CKAP2L: variants seen among roughly 807,000 people sequenced by gnomAD.
CKAP2L encodes cytoskeleton associated protein 2L, also known as cytoskeleton-associated protein 2-like.
A neutral mutation model predicts 65.7 loss-of-function variants in CKAP2L; 42 were observed. The observed-to-expected ratio is 0.64, with a 90% CI of 0.50 to 0.83. The LOEUF (loss-of-function observed/expected upper bound fraction) is 0.83, where lower values mean the gene tolerates loss of function less well. Ranked by LOEUF, CKAP2L falls within the 40% of genes least tolerant of loss-of-function variation. The pLI is 0.00. For synonymous variants in CKAP2L, 325 were observed against 313.5 expected (o/e 1.04, Z -0.39); for missense variants, 908 against 871.0 (o/e 1.04, Z -0.53).
At chr2:112,753,238 A>C (rs1420798627) in intron 4 of CKAP2L, among the ~76,000 whole-genome samples, 2 of 152,178 alleles carry the variant, frequency 1.3e-5, no homozygotes, top group Non-Finnish European at 2.9e-5. Flanking sequence ...CGCCTAGTTG[A>C]TATCTTTTGA....
chr2:112,740,811 T>C lies in CKAP2L; in HGVS notation c.2012+7A>G, dbSNP rs928341227. On this transcript the variant is annotated splice_region_variant and intron_variant, in intron 8 of 8. Coordinates refer to ENST00000302450, the MANE Select transcript of CKAP2L (RefSeq NM_152515.5). ...TGAACACAAAGTCTGCTTTAGAGTT[T>C]GCTTACCTAGGGATTGGACCAATCT... 1.3e-6 allele frequency: 2 copies of C among 1,598,286 alleles called. No individual in the cohort carries two copies. Among genetic ancestry groups the C allele is most frequent in the Non-Finnish European group, 1.7e-6 (2 of 1,168,506 alleles).
rs199567753 is a variant in CKAP2L at position 112,756,265 on chromosome 2, A to G, written c.1106T>C (p.Leu369Pro). Reference sequence around the variant, plus strand: ...CTGGCTTATGGCTTTTGACTTTTGCAGTACACATGATGTCTGAGGTATACA... The same window carrying G: ...CTGGCTTATGGCTTTTGACTTTTGCGGTACACATGATGTCTGAGGTATACA... Reference protein sequence around the residue: ...QVCIPQTSCVLQKSKAISQRP... With the variant: ...QVCIPQTSCVPQKSKAISQRP... Residue 369 changes from leucine (L) to proline (P), a missense_variant, in exon 4 of 9, where the codon CTG becomes CCG. Transcript: ENST00000302450. 120 of 1,614,040 alleles carry G rather than the reference A, an allele frequency of 7.4e-5. No individual in the cohort carries two copies. Among genetic ancestry groups the G allele is most frequent in the Non-Finnish European group, 9.3e-5 (110 of 1,180,024 alleles).
At chr2:112,746,385 T>A in intron 6 of CKAP2L, 35 bp downstream of exon 6, 3 of 1,542,492 alleles carry the variant, frequency 1.9e-6, no homozygotes, top group Non-Finnish European at 2.6e-6. Flanking sequence ...TGAAAGAGAA[T>A]TTTAAGAAGT....
In CKAP2L at chr2:112,756,055, G is replaced by A; in HGVS notation, c.1316C>T (p.Thr439Ile). The part of the protein sequence containing the change: ...NHFLNKTAPK[T>I]QADVTTVNGT... Reference sequence around the variant, plus strand: ...ATTTACGGTTGTGACATCAGCTTGAGTTTTGGGAGCTGTCTTGTTCAGAAA... The same window carrying A: ...ATTTACGGTTGTGACATCAGCTTGAATTTTGGGAGCTGTCTTGTTCAGAAA... Residue 439 changes from threonine (T) to isoleucine (I), a missense_variant, in exon 4 of 9, where the codon ACT becomes ATT. By Grantham distance (89) the Thr-to-Ile change is moderately conservative. Transcript: ENST00000302450. The A allele has an allele frequency of 1.9e-6, 3 of 1,613,834 alleles. No individual in the cohort carries two copies. The highest frequency in any genetic ancestry group is 1.7e-4 in the Middle Eastern group (1 of 6,060).
At position 112,756,747 on chromosome 2, in the gene CKAP2L, C is replaced by T. The variant is rs1473202895; in HGVS notation, c.624G>A (p.Lys208=). 6.2e-7 allele frequency: 1 copy of T among 1,600,050 alleles called. No individual in the cohort carries two copies. Residue 208 remains lysine, a synonymous_variant, in exon 4 of 9, where the codon AAG becomes AAA. Transcript: ENST00000302450. Reference sequence around the variant, plus strand: ...TTTGATTATAAGAGTCAGTCTTTGGCTTACTTCTGGTATATAATTTAGGAT... The same window carrying T: ...TTTGATTATAAGAGTCAGTCTTTGGTTTACTTCTGGTATATAATTTAGGAT... ...KPDPKLYTRS[K]PKTDSYNQTK...
intron 3 of CKAP2L, among the ~76,000 whole-genome samples, chr2:112,760,097 A>AT (rs1471364030): frequency 2.6e-5 from 4 of 152,196 alleles, no homozygotes; most frequent in Non-Finnish European, 5.9e-5. Context: ...CAGATGAATA[A>AT]TCTGTGCCTC....
At chr2:112,745,030 G>A (rs932400401) in intron 6 of CKAP2L, among the ~76,000 whole-genome samples, 1 of 152,136 alleles carries the variant, frequency 6.6e-6, no homozygotes, top group Non-Finnish European at 1.5e-5. Flanking sequence ...AAAAACAAGG[G>A]ATCCACCCAA....
Position 112,740,866 on chromosome 2 carries a change from T to G in CKAP2L, c.1964A>C (p.Glu655Ala), listed in dbSNP as rs750084106. The G allele has an allele frequency of 9.3e-6, 15 of 1,614,010 alleles. No homozygotes were observed. In the African/African-American group the frequency reaches 1.5e-4, roughly 16 times the overall value. The change falls in exon 8 of 9, where the codon GAA becomes GCA. Residue 655 changes from glutamate to alanine, a missense_variant. Transcript: ENST00000302450. ...TTTGATACCAGGATAATTATGCTGT[T>G]CTGCCTTGGCTATTCGGGGTGTCGC... is the stretch of plus-strand genomic sequence containing the variant. The part of the protein sequence containing the change: ...VTATPRIAKA[E>A]QHNYPGIKLQ...
intron 5 of CKAP2L, among the ~76,000 whole-genome samples, chr2:112,751,122 T>C (rs893066661): frequency 6.6e-6 from 1 of 152,200 alleles, no homozygotes; most frequent in African/African-American, 2.4e-5. Context: ...GTCCAGATGA[T>C]TTTTATGGGC....
chr2:112,746,950 C>T (rs1435953998), intron 5 of CKAP2L, among the ~76,000 whole-genome samples: 4 of 151,844 alleles, frequency 2.6e-5, no homozygotes, highest in African/African-American at 9.7e-5. Flanking sequence ...ACCACATGCT[C>T]GGCTAATTTT....
intron 7 of CKAP2L, chr2:112,742,386 T>C (rs1470693445): frequency 1.4e-6 from 1 of 717,474 alleles, no homozygotes; most frequent in Non-Finnish European, 2.6e-6. Flanking sequence ...ACATGTAACT[T>C]AAGGCATTTC....
chr2:112,753,280 CACAA>C (rs1198387510), intron 4 of CKAP2L, among the ~76,000 whole-genome samples: 4 of 152,170 alleles, frequency 2.6e-5, no homozygotes, highest in Non-Finnish European at 5.9e-5. Context: ...TTAATACTGT[CACAA>C]ACAAAGTTAT....
chr2:112,756,933 T>C lies in CKAP2L; in HGVS notation c.438A>G (p.Gln146=), dbSNP rs751225896. 1.5e-5 allele frequency: 24 copies of C among 1,614,150 alleles called. No individual in the cohort carries two copies. The highest frequency in any genetic ancestry group is 5.5e-5 in the South Asian group (5 of 91,094). The change falls in exon 4 of 9, where the codon CAA becomes CAG. Residue 146 remains glutamine (Q), a synonymous_variant. Transcript: ENST00000302450. ...TTAACTGCTGCTTTGTAGTTTTCAA[T>C]TGCTCTATATTAAGTGACCCCACAG... The part of the protein sequence containing the change: ...RKPVGSLNIE[Q]LKTTKQQLTD...
In CKAP2L at chr2:112,756,341, A is replaced by C; in HGVS notation, c.1030T>G (p.Tyr344Asp). Residue 344 changes from tyrosine (Y) to aspartate (D), a missense_variant, in exon 4 of 9, where the codon TAT (tyrosine) becomes GAT (aspartate). Physicochemically the swap from Tyr to Asp is radical, Grantham distance 160 (BLOSUM62 -3). Coordinates refer to ENST00000302450, the MANE Select transcript of CKAP2L (RefSeq NM_152515.5). ...TTGATGTTTGGATGTCTGTTGTTAT[A>C]TTCACCCTGAAGCAAACTGGGGTAT... is the stretch of plus-strand genomic sequence containing the variant. ...RTYPSLLQGE[Y>D]NNRHPNIKQD... The C allele has an allele frequency of 1.9e-6, 3 of 1,613,600 alleles. No homozygotes were observed. The highest frequency in any genetic ancestry group is 2.5e-6 in the Non-Finnish European group (3 of 1,179,788).
rs776622742 is a variant in CKAP2L, at chr2:112,756,667, G to C, written c.704C>G (p.Ala235Gly). ...QALGKSSVNSAVLKDRVNKQF... is the reference protein window; with the variant it reads ...QALGKSSVNSGVLKDRVNKQF... The stretch of plus-strand genomic sequence containing the variant: ...TTTATTAACCCTATCTTTCAGAACA[G>C]CACTATTAACTGAACTTTTGCCCAA... Residue 235 changes from alanine (A) to glycine (G), a missense_variant, in exon 4 of 9, where the codon GCT becomes GGT. Coordinates refer to ENST00000302450, the MANE Select transcript of CKAP2L (RefSeq NM_152515.5). 5.0e-6 allele frequency: 8 copies of C among 1,600,034 alleles called. No homozygotes were observed. In the Admixed American group the frequency reaches 1.2e-4, roughly 25 times the overall value.
In CKAP2L at chr2:112,764,569, G is replaced by A. The variant is rs761993286; in HGVS notation, c.30C>T (p.Ala10=). 6.2e-7 allele frequency: 1 copy of A among 1,614,152 alleles called. No homozygotes were observed. The change falls in exon 1 of 9, where the codon GCC becomes GCT. Residue 10 remains alanine (A), a synonymous_variant. Coordinates refer to ENST00000302450, the MANE Select transcript of CKAP2L (RefSeq NM_152515.5). MVGPGPTAA[A]AVEERQRKLQ... ...AACAGCGGTCGTACTCACCGACAGC[G>A]GCAGCAGCGGTAGGCCCGGGCCCCA...
chr2:112,750,329 A>G (rs766554981), intron 5 of CKAP2L, among the ~76,000 whole-genome samples: 6 of 151,938 alleles, frequency 3.9e-5, no homozygotes, highest in Non-Finnish European at 5.9e-5. Context: ...CACAGCCAGC[A>G]TCTGTGCTCC....
At chr2:112,755,123 C>A (rs1048095779) in intron 4 of CKAP2L, among the ~76,000 whole-genome samples, 2 of 152,148 alleles carry the variant, frequency 1.3e-5, no homozygotes, top group Non-Finnish European at 2.9e-5. Flanking sequence ...TCCCTTCACT[C>A]GTCAGAAATT....
chr2:112,737,506 C>G lies in CKAP2L; in HGVS notation c.*1317G>C, dbSNP rs1242483943. The stretch of plus-strand genomic sequence containing the variant: ...GAACACCTTTTCATATCTATACCTA[C>G]TGGCCATTTCTTATGTCTTCTTTGG... On this transcript the variant is annotated 3_prime_UTR_variant, in exon 9 of 9. Coordinates refer to ENST00000302450, the MANE Select transcript of CKAP2L (RefSeq NM_152515.5). 2.6e-5 allele frequency: 4 copies of G among 152,202 alleles called. No individual in the cohort carries two copies. Among genetic ancestry groups the G allele is most frequent in the Non-Finnish European group, 5.9e-5 (4 of 68,016 alleles). The allele number at this position is 152,202 out of a possible 1,614,324, so 9.4% of individuals were successfully genotyped here.
Sources: gnomAD v4.1 joint callset for allele counts (sites outside exome capture counted in the v4.1 genomes callset) on GRCh38, gnomAD v4.1.1 for gene constraint, MANE v1.5 for transcripts, NCBI Gene and HGNC (gene_info 2026-07-23, HGNC 2026-07-21) for gene names.